TNFRSF21: variants seen among roughly 807,000 people sequenced by gnomAD.
TNFRSF21 encodes TNF receptor superfamily member 21.
In TNFRSF21, 19 loss-of-function variants were observed where a neutral mutation model predicts 45.6. That is an observed-to-expected ratio of 0.42 (90% CI 0.29 to 0.61). The LOEUF (loss-of-function observed/expected upper bound fraction) is 0.61, where lower values mean the gene tolerates loss of function less well. TNFRSF21 is among the 20% of genes least tolerant of loss of function. The pLI, the probability that TNFRSF21 is intolerant of heterozygous loss-of-function variation, is 0.23. For synonymous variants in TNFRSF21, 314 were observed against 335.5 expected (o/e 0.94, Z 0.70); for missense variants, 737 against 851.5 (o/e 0.87, Z 1.67).
At chr6:47,236,082 T>C (rs1351700200) in intron 4 of TNFRSF21, among the ~76,000 whole-genome samples, 1 of 152,128 alleles carries the variant, frequency 6.6e-6, no homozygotes, top group Admixed American at 6.5e-5. Context: ...GTGACTTCAT[T>C]TTACCAGTAA....
intron 1 of TNFRSF21, among the ~76,000 whole-genome samples, chr6:47,290,121 A>G (rs567977065): frequency 6.6e-6 from 1 of 152,340 alleles, no homozygotes. Context: ...TACATGCAAA[A>G]GCAGTTTTAG....
intron 1 of TNFRSF21, among the ~76,000 whole-genome samples, chr6:47,303,201 G>A (rs1362139361): frequency 6.6e-6 from 1 of 152,066 alleles, no homozygotes; most frequent in Non-Finnish European, 1.5e-5. Context: ...GATTTGCAAG[G>A]GCACCAAGCA....
chr6:47,242,652 G>C (rs114729974), intron 4 of TNFRSF21, among the ~76,000 whole-genome samples: 2 of 152,200 alleles, frequency 1.3e-5, no homozygotes, highest in Admixed American at 6.5e-5. Flanking sequence ...CCCCGCTACC[G>C]GCACGGGTGT....
At chr6:47,294,697 CTT>C (rs5876019) in intron 1 of TNFRSF21, among the ~76,000 whole-genome samples, 1 of 150,740 alleles carries the variant, frequency 6.6e-6, no homozygotes, top group Non-Finnish European at 1.5e-5. Flanking sequence ...TCATTTCTTT[CTT>C]TTTTTTTTGA....
At chr6:47,261,096 C>G (rs1043715062) in intron 3 of TNFRSF21, among the ~76,000 whole-genome samples, 12 of 152,136 alleles carry the variant, frequency 7.9e-5, no homozygotes, top group Non-Finnish European at 1.5e-4. Flanking sequence ...TTCTAACACC[C>G]CCCCAAACCT....
In TNFRSF21 at chr6:47,232,082, G is replaced by A. The variant is rs928576017; in HGVS notation, c.*683C>T. On this transcript the variant is annotated 3_prime_UTR_variant, in exon 6 of 6. Transcript: ENST00000296861. ...GTACAAGTAATCAAGCATTCTACAC[G>A]GTGTCCAGGTGAAAACCATACAATC... 6.6e-6 allele frequency: 1 copy of A among 152,280 alleles called. No individual in the cohort carries two copies. The highest frequency in any genetic ancestry group is 6.5e-5 in the Admixed American group (1 of 15,270). 9.4% of individuals were successfully genotyped at this position (152,280 alleles called of 1,614,324 possible). A position where few individuals can be genotyped will look rare whatever the true frequency, so the allele number is the denominator to read the frequency against.
intron 3 of TNFRSF21, among the ~76,000 whole-genome samples, chr6:47,268,246 G>T (rs1415094285): frequency 1.3e-5 from 2 of 152,160 alleles, no homozygotes; most frequent in African/African-American, 4.8e-5. Context: ...ACATCATAAG[G>T]TTATTCTGAG....
chr6:47,264,754 G>A (rs144193041), intron 3 of TNFRSF21, among the ~76,000 whole-genome samples: 8 of 152,298 alleles, frequency 5.3e-5, no homozygotes, highest in Non-Finnish European at 8.8e-5. Context: ...GAAAGGTGTT[G>A]TCTAGTGGAA....
rs143214258 is a variant in TNFRSF21, at chr6:47,256,318, GT to G, written c.1244-2798del. Among the ~76,000 whole-genome samples the G allele has an allele frequency of 3.3e-3, 498 of 152,324 alleles. 14 individuals carry two copies. In the East Asian group the frequency reaches 0.084, roughly 26 times the overall value. On this transcript the variant is annotated intron_variant, in intron 3 of 5. Transcript: ENST00000296861. ...GCAGGTGGATCGCTTGAGTCCAGGA[GT>G]TTGAGACCAGCCTGGGCAACATGGT...
chr6:47,255,349 T>G (rs1388992911), intron 3 of TNFRSF21, among the ~76,000 whole-genome samples: 1 of 152,232 alleles, frequency 6.6e-6, no homozygotes, highest in Admixed American at 6.5e-5. Flanking sequence ...AATTACACAT[T>G]GGCTTTGCCA....
Position 47,286,495 on chromosome 6 carries a change from G to A in TNFRSF21, c.197C>T (p.Thr66Ile), listed in dbSNP as rs764454730. 2.6e-5 allele frequency: 42 copies of A among 1,614,104 alleles called. No individual in the cohort carries two copies. In the East Asian group the frequency reaches 5.8e-4, roughly 22 times the overall value. ...GGTTCCTGCTGGACACTTGTCACAG[G>A]TTAGCACCTGGCCGGTGGCACGGTC... The part of the protein sequence containing the change: ...HVDRATGQVL[T>I]CDKCPAGTYV... Residue 66 changes from threonine to isoleucine, a missense_variant, in exon 2 of 6, where the codon ACC (threonine) becomes ATC (isoleucine). Transcript: ENST00000296861.
intron 4 of TNFRSF21, among the ~76,000 whole-genome samples, chr6:47,241,081 G>A (rs1362151009): frequency 6.6e-6 from 1 of 151,926 alleles, no homozygotes; most frequent in African/African-American, 2.4e-5. Flanking sequence ...ATGGGCTCTG[G>A]GAGGAAAAAA....
intron 1 of TNFRSF21, among the ~76,000 whole-genome samples, chr6:47,301,898 A>G (rs1762868791): frequency 6.6e-6 from 1 of 152,188 alleles, no homozygotes; most frequent in Admixed American, 6.5e-5. Flanking sequence ...AAAAATATCC[A>G]GCTAAATTAT....
intron 1 of TNFRSF21, among the ~76,000 whole-genome samples, chr6:47,289,836 A>C (rs1248999120): frequency 6.6e-6 from 1 of 152,164 alleles, no homozygotes; most frequent in African/African-American, 2.4e-5. Flanking sequence ...TCTACTAAAA[A>C]TACAAAAATT....
intron 1 of TNFRSF21, among the ~76,000 whole-genome samples, chr6:47,301,221 C>A (rs1183591513): frequency 2.0e-5 from 3 of 152,180 alleles, no homozygotes; most frequent in Non-Finnish European, 4.4e-5. Context: ...AATCAAGATC[C>A]TTCTGAAACT....
intron 1 of TNFRSF21, among the ~76,000 whole-genome samples, chr6:47,293,826 T>A (rs1762759314): frequency 1.3e-5 from 2 of 152,170 alleles, no homozygotes; most frequent in South Asian, 4.1e-4. Context: ...TGACCACCTC[T>A]CCACTAATAA....
chr6:47,274,592 A>G (rs1003766603), intron 3 of TNFRSF21, among the ~76,000 whole-genome samples: 1 of 152,150 alleles, frequency 6.6e-6, no homozygotes, highest in Non-Finnish European at 1.5e-5. Flanking sequence ...GGACTTCATG[A>G]CTAAAACACC....
chr6:47,309,374 G>A, intron 1 of TNFRSF21, 42 bp downstream of exon 1: 1 of 1,512,512 alleles, frequency 6.6e-7, no homozygotes. Flanking sequence ...GGTTCCTTCT[G>A]CTCCGGCGCC....
intron 4 of TNFRSF21, among the ~76,000 whole-genome samples, chr6:47,238,172 G>A (rs1306235670): frequency 6.6e-6 from 1 of 152,206 alleles, no homozygotes; most frequent in East Asian, 1.9e-4. Flanking sequence ...AAATGTTGTG[G>A]CTGTAGCAGC....
Sources: allele counts gnomAD v4.1 joint callset (sites outside exome capture counted in the v4.1 genomes callset), GRCh38; gene constraint gnomAD v4.1.1; transcripts MANE v1.5; gene names NCBI Gene and HGNC (gene_info 2026-07-23, HGNC 2026-07-21).